Variants in UQCC1 observed in about 807,000 individuals in gnomAD.
UQCC1 encodes the protein bFGF-repressed Zic-binding protein.
UQCC1 carries 38 observed loss-of-function variants against 48.0 expected under a neutral mutation model. That is an observed-to-expected ratio of 0.79 (90% CI 0.61 to 1.04). The LOEUF is 1.04. Ranked by LOEUF, UQCC1 falls within the 50% of genes least tolerant of loss-of-function variation. UQCC1 has a pLI of 0.00. For missense variants in UQCC1, 368 were observed against 381.8 expected (o/e 0.96, Z 0.30); for synonymous variants, 111 against 129.2 (o/e 0.86, Z 0.95).
chr20:35,384,833 GGCA>G (rs1954406598), intron 2 of UQCC1, among the ~76,000 whole-genome samples: 1 of 151,688 alleles, frequency 6.6e-6, no homozygotes, highest in South Asian at 2.1e-4. Flanking sequence ...CAGGTGTGGT[GGCA>G]CATGCCTGTA....
intron 6 of UQCC1, among the ~76,000 whole-genome samples, chr20:35,361,278 T>C (rs532556601): frequency 7.3e-6 from 1 of 136,912 alleles, no homozygotes; most frequent in African/African-American, 2.9e-5. Context: ...TTTCATCCAC[T>C]CTTTCACTTG....
chr20:35,313,133 T>G (rs1014101233), intron 8 of UQCC1, among the ~76,000 whole-genome samples: 51 of 152,134 alleles, frequency 3.4e-4, no homozygotes, highest in African/African-American at 1.1e-3. Context: ...TCCCAGCACT[T>G]TGGGAGGCCG....
chr20:35,348,335 T>A (rs2061452568), intron 6 of UQCC1, among the ~76,000 whole-genome samples: 1 of 152,168 alleles, frequency 6.6e-6, no homozygotes, highest in Admixed American at 6.6e-5. Context: ...CTTTTCAAAC[T>A]AGTTCCTCAT....
intron 4 of UQCC1, among the ~76,000 whole-genome samples, chr20:35,380,374 G>A (rs150684034): frequency 1.1e-4 from 17 of 152,256 alleles, no homozygotes; most frequent in African/African-American, 4.1e-4. Context: ...ATCATTGTCA[G>A]TATTTGTGTT....
intron 1 of UQCC1, among the ~76,000 whole-genome samples, chr20:35,394,825 C>T (rs1311608663): frequency 1.3e-5 from 2 of 152,186 alleles, no homozygotes; most frequent in African/African-American, 4.8e-5. Flanking sequence ...TCCAACAGGA[C>T]TGTCCCCCAC....
intron 1 of UQCC1, among the ~76,000 whole-genome samples, chr20:35,402,096 A>G (rs1219060409): frequency 1.3e-5 from 2 of 152,222 alleles, no homozygotes; most frequent in East Asian, 3.8e-4. Flanking sequence ...CTATAATACA[A>G]AAGGATATTT....
At chr20:35,394,018 T>C in intron 2 of UQCC1, 74 bp downstream of exon 2, 1 of 1,443,998 alleles carries the variant, frequency 6.9e-7, no homozygotes, top group East Asian at 2.3e-5. Context: ...TTTGGTTGGC[T>C]AATCTATAAA....
chr20:35,399,318 TTGCAG>T (rs2062126059), intron 1 of UQCC1, among the ~76,000 whole-genome samples: 1 of 152,226 alleles, frequency 6.6e-6, no homozygotes, highest in East Asian at 1.9e-4. Context: ...TCTCAAAAGC[TTGCAG>T]TGGTTTCCAA....
At chr20:35,305,636 G>A (rs769307441) in intron 9 of UQCC1, among the ~76,000 whole-genome samples, 1 of 152,190 alleles carries the variant, frequency 6.6e-6, no homozygotes, top group Non-Finnish European at 1.5e-5. Context: ...CTGGCTCCTG[G>A]GATTCTCTAC....
chr20:35,380,101 GTTTCT>G (rs974716822), intron 4 of UQCC1, among the ~76,000 whole-genome samples: 2 of 151,890 alleles, frequency 1.3e-5, no homozygotes, highest in Non-Finnish European at 2.9e-5. Flanking sequence ...AACTGTAAAT[GTTTCT>G]TTTCTTTTTT....
chr20:35,356,255 G>C (rs1405335476), intron 6 of UQCC1, among the ~76,000 whole-genome samples: 2 of 152,186 alleles, frequency 1.3e-5, no homozygotes, highest in Non-Finnish European at 2.9e-5. Context: ...GGATGGAAGT[G>C]AAGAAATCTC....
In UQCC1 at chr20:35,314,779, T is replaced by A; in HGVS notation, c.574-14A>T. The A allele has an allele frequency of 6.4e-7, 1 of 1,572,340 alleles. No homozygotes were observed. The highest frequency in any genetic ancestry group is 8.7e-7 in the Non-Finnish European group (1 of 1,150,490). ...ATAGGGATTAACCTACAGAAACAAA[T>A]GGCAAAAACAAAAGTTTGAAAGAAA... On this transcript the variant is annotated splice_polypyrimidine_tract_variant and intron_variant, in intron 7 of 9. Coordinates refer to ENST00000374385, the MANE Select transcript of UQCC1 (RefSeq NM_018244.5).
chr20:35,339,152 C>A (rs1424519457), intron 7 of UQCC1, among the ~76,000 whole-genome samples: 2 of 151,770 alleles, frequency 1.3e-5, no homozygotes, highest in South Asian at 4.2e-4. Flanking sequence ...CAGAGAAGAT[C>A]ATTCTTCAGT....
chr20:35,381,940 C>G lies in UQCC1; in HGVS notation c.311G>C (p.Gly104Ala), dbSNP rs1245273354. 2 of 1,608,218 alleles carry G rather than the reference C, an allele frequency of 1.2e-6. No homozygotes were observed. ...TKIIEAMGFT[G>A]PLKYSKWKIK... ...TACCCATTTACTGTATTTCAAAGGT[C>G]CCGTGAATCCCATGGCTTCTATTAT... Residue 104 changes from glycine (G) to alanine (A), a missense_variant, in exon 4 of 10, where the codon GGA becomes GCA. Physicochemically the swap from Gly to Ala is moderately conservative, Grantham distance 60. Transcript: ENST00000374385.
At chr20:35,338,892 A>ATAT (rs57287275) in intron 7 of UQCC1, among the ~76,000 whole-genome samples, 2 of 30,574 alleles carry the variant, frequency 6.5e-5, no homozygotes, top group Non-Finnish European at 9.5e-5. Flanking sequence ...AAAAAAAAAA[A>ATAT]ATATATATAT....
intron 5 of UQCC1, among the ~76,000 whole-genome samples, chr20:35,371,310 A>G (rs1398154442): frequency 6.6e-6 from 1 of 151,308 alleles, no homozygotes; most frequent in Non-Finnish European, 1.5e-5. Context: ...TAAAATAGAC[A>G]TTAAATAGAC....
At chr20:35,332,040 G>A (rs1208600660) in intron 7 of UQCC1, among the ~76,000 whole-genome samples, 2 of 152,222 alleles carry the variant, frequency 1.3e-5, no homozygotes, top group Non-Finnish European at 2.9e-5. Flanking sequence ...TTGTGGCAGA[G>A]CAGAGATTAG....
chr20:35,343,681 G>A (rs1027982665), intron 7 of UQCC1, among the ~76,000 whole-genome samples: 1 of 152,098 alleles, frequency 6.6e-6, no homozygotes, highest in African/African-American at 2.4e-5. Context: ...TAACTAAACC[G>A]GAATTTGGGC....
chr20:35,367,537 T>C (rs1275037311), intron 5 of UQCC1, among the ~76,000 whole-genome samples: 1 of 152,008 alleles, frequency 6.6e-6, no homozygotes, highest in African/African-American at 2.4e-5. Flanking sequence ...GGTGGGTGGA[T>C]TGCTTGAGCC....
Sources: allele counts gnomAD v4.1 joint callset (sites outside exome capture counted in the v4.1 genomes callset), GRCh38; gene constraint gnomAD v4.1.1; transcripts MANE v1.5; gene names NCBI Gene and HGNC (gene_info 2026-07-23, HGNC 2026-07-21).